ACE: variants seen among roughly 807,000 people sequenced by gnomAD.
The protein encoded by ACE is angiotensin-converting enzyme.
A neutral mutation model predicts 162.3 loss-of-function variants in ACE; 122 were observed. The observed-to-expected ratio is 0.75, with a 90% confidence interval of 0.65 to 0.87. The LOEUF (loss-of-function observed/expected upper bound fraction) is 0.87, where lower values mean the gene tolerates loss of function less well. Among genes scored for constraint, ACE ranks in the 40% least tolerant of loss-of-function variants. ACE has a pLI of 0.00. For missense variants in ACE, 1,799 were observed against 1,735.1 expected (o/e 1.04, Z -0.65); for synonymous variants, 796 against 720.6 (o/e 1.10, Z -1.68).
In ACE at chr17:63,491,724, CAGGG is replaced by C. The variant is rs1366357951; in HGVS notation, c.2912+347_2912+350del. On this transcript the variant is annotated intron_variant, in intron 19 of 24. Coordinates refer to ENST00000290866, the MANE Select transcript of ACE (RefSeq NM_000789.4). The surrounding 1 kb of genome is among the most constrained non-coding windows in gnomAD (Gnocchi z 4.4). ...CTCCCTGGGGGCACATGCTGTGACA[CAGGG>C]AGGCACACGAGGATGTTGGGTGCTC... Among the ~76,000 whole-genome samples the C allele has an allele frequency of 6.6e-6, 1 of 152,198 alleles. No homozygotes were observed. Among genetic ancestry groups the C allele is most frequent in the Non-Finnish European group, 1.5e-5 (1 of 68,030 alleles).
At chr17:63,490,886 C>T in intron 17 of ACE, 68 bp from the exon 18 acceptor site, 1 of 1,452,864 alleles carries the variant, frequency 6.9e-7, no homozygotes. Flanking sequence ...GCTCTTCCTG[C>T]AGGAGGGCAT....
At position 63,487,093 on chromosome 17, in the gene ACE, C is replaced by G; in HGVS notation, c.2305+20C>G. ...AGCCAGGTGAGAGCTCATGTGCAGG[C>G]TGAGTGAGAGGCGAGGGCTGGGACT... On this transcript the variant is annotated intron_variant, in intron 15 of 24. Coordinates refer to ENST00000290866, the MANE Select transcript of ACE (RefSeq NM_000789.4). The G allele has an allele frequency of 6.2e-7, 1 of 1,610,448 alleles. No homozygotes were observed. The highest frequency in any genetic ancestry group is 8.5e-7 in the Non-Finnish European group (1 of 1,177,384).
In ACE at chr17:63,489,133, G is replaced by A; in HGVS notation, c.2641+1G>A. On this transcript the variant is annotated splice_donor_variant, in intron 17 of 24. Transcript: ENST00000290866. LOFTEE classifies it high-confidence loss of function. Reference sequence around the variant, plus strand: ...GGGCCCATTCCTGCTCACCTGCTGGGTAAGGGCACATGTCGGGCCTTGAGG... The same window carrying A: ...GGGCCCATTCCTGCTCACCTGCTGGATAAGGGCACATGTCGGGCCTTGAGG... 1 of 1,608,010 alleles carries A rather than the reference G, an allele frequency of 6.2e-7. No homozygotes were observed. The highest frequency in any genetic ancestry group is 8.5e-7 in the Non-Finnish European group (1 of 1,179,972).
intron 17 of ACE, chr17:63,489,886 G>A (rs1027347156): frequency 6.5e-6 from 1 of 152,688 alleles, no homozygotes; most frequent in Admixed American, 6.5e-5. Context: ...CCTCTCTGGT[G>A]AGACCAAAGA....
At chr17:63,479,429 G>T (rs545041123) in intron 3 of ACE, among the ~76,000 whole-genome samples, 11 of 152,236 alleles carry the variant, frequency 7.2e-5, no homozygotes, top group Non-Finnish European at 1.3e-4. Context: ...ACCCCTCGTG[G>T]CTTCCCCTTA....
chr17:63,487,867 A>G (rs2030071229), intron 15 of ACE, among the ~76,000 whole-genome samples: 1 of 152,206 alleles, frequency 6.6e-6, no homozygotes, highest in Non-Finnish European at 1.5e-5. Context: ...GAAATGGAAA[A>G]TAAACAGGAG....
chr17:63,482,260 C>T (rs900019632), intron 7 of ACE, among the ~76,000 whole-genome samples: 14 of 151,530 alleles, frequency 9.2e-5, no homozygotes, highest in Admixed American at 2.0e-4. Context: ...GAGATTGTGC[C>T]ACTACAGGCC....
In ACE at chr17:63,478,095, G is replaced by A; in HGVS notation, c.414G>A (p.Gln138=). The A allele has an allele frequency of 6.3e-7, 1 of 1,581,404 alleles. No individual in the cohort carries two copies. Among genetic ancestry groups the A allele is most frequent in the South Asian group, 1.1e-5 (1 of 87,020 alleles). ...CCAACCTGCCCCTGGCTAAGCGGCAGCAGGTGGGCTGAGGGCTGAGGCAGA... is the reference window on the plus strand; with the variant it reads ...CCAACCTGCCCCTGGCTAAGCGGCAACAGGTGGGCTGAGGGCTGAGGCAGA... ...GSANLPLAKR[Q]QYNALLSNMS... The change falls in exon 2 of 25, where the codon CAG becomes CAA. Residue 138 remains glutamine (Q), a synonymous_variant. Transcript: ENST00000290866.
At position 63,482,628 on chromosome 17, in the gene ACE, G is replaced by T. The variant is rs541236264; in HGVS notation, c.1281G>T (p.Ser427=). The T allele has an allele frequency of 4.3e-6, 7 of 1,613,996 alleles. 1 individual carries two copies. The South Asian group carries it at 7.7e-5, about 18-fold the overall frequency. The stretch of plus-strand genomic sequence containing the variant: ...CCATTGGGGACGTGCTGGCGCTCTC[G>T]GTCTCCACTCCTGAACATCTGCACA... ...HEAIGDVLAL[S]VSTPEHLHKI... The change falls in exon 8 of 25, where the codon TCG becomes TCT. Residue 427 remains serine (S), a synonymous_variant. Coordinates refer to ENST00000290866, the MANE Select transcript of ACE (RefSeq NM_000789.4).
At chr17:63,486,299 A>G (rs1414450565) in intron 13 of ACE, 4 of 556,070 alleles carry the variant, frequency 7.2e-6, no homozygotes, top group Admixed American at 6.1e-5. Flanking sequence ...AAGGGCCTTT[A>G]CGACACTTGG....
intron 15 of ACE, 31 bp from the exon 16 acceptor site, chr17:63,488,617 C>T (rs1054398254): frequency 6.2e-7 from 1 of 1,611,548 alleles, no homozygotes; most frequent in Non-Finnish European, 8.5e-7. Flanking sequence ...GAGCTAAGGG[C>T]TGGAGCTCAA....
chr17:63,485,437 C>A, intron 13 of ACE, 65 bp downstream of exon 13: 1 of 1,595,756 alleles, frequency 6.3e-7, no homozygotes, highest in South Asian at 1.1e-5. Flanking sequence ...CTGTCCCGCT[C>A]ACCACACAGT....
At position 63,478,006 on chromosome 17, in the gene ACE, TG is replaced by T; in HGVS notation, c.327del (p.Trp109CysfsTer36). On this transcript the variant is annotated frameshift_variant, in exon 2 of 25. Transcript: ENST00000290866. LOFTEE classifies it high-confidence loss of function. ...QKAKELYEPI[W>X]QNFTDPQLRR... The stretch of plus-strand genomic sequence containing the variant: ...GGCCAAGGAGCTGTATGAACCGATC[TG>T]GCAGAACTTCACGGACCCGCAGCTG... 1 of 1,611,840 alleles carries T rather than the reference TG, an allele frequency of 6.2e-7. No individual in the cohort carries two copies. The highest frequency in any genetic ancestry group is 1.7e-5 in the Admixed American group (1 of 59,880).
intron 22 of ACE, among the ~76,000 whole-genome samples, chr17:63,495,139 A>C (rs2030649976): frequency 6.6e-6 from 1 of 152,138 alleles, no homozygotes; most frequent in Admixed American, 6.5e-5. Context: ...CCAGGACCCC[A>C]CTATTCATCA....
intron 8 of ACE, 130 bp from the exon 9 acceptor site, chr17:63,482,899 C>A: frequency 8.6e-7 from 1 of 1,162,746 alleles, no homozygotes. Flanking sequence ...GGCCCAGGGT[C>A]TCGAGGGCCA....
chr17:63,489,274 A>T, intron 17 of ACE, 142 bp downstream of exon 17: 62 of 979,746 alleles, frequency 6.3e-5, no homozygotes, highest in East Asian at 1.2e-4. Context: ...CCCAGGCTGG[A>T]GGGGGGTGGG....
In ACE at chr17:63,479,010, A is replaced by T; in HGVS notation, c.421A>T (p.Asn141Tyr). ...NLPLAKRQQY[N>Y]ALLSNMSRIY... ...TTCCTCCCCTCTGACTCCCCAGTACAACGCCCTGCTAAGCAACATGAGCAG... is the reference window on the plus strand; with the variant it reads ...TTCCTCCCCTCTGACTCCCCAGTACTACGCCCTGCTAAGCAACATGAGCAG... Residue 141 changes from asparagine to tyrosine, a missense_variant, in exon 3 of 25, where the codon AAC (asparagine) becomes TAC (tyrosine). Transcript: ENST00000290866. 1 of 1,613,458 alleles carries T rather than the reference A, an allele frequency of 6.2e-7. No individual in the cohort carries two copies. Among genetic ancestry groups the T allele is most frequent in the Non-Finnish European group, 8.5e-7 (1 of 1,179,814 alleles).
At chr17:63,486,258 C>G (rs937624259) in intron 13 of ACE, 1 of 476,818 alleles carries the variant, frequency 2.1e-6, no homozygotes, top group African/African-American at 2.0e-5. Flanking sequence ...TCAGAAAGGC[C>G]ACAGAGCTAA....
intron 19 of ACE, among the ~76,000 whole-genome samples, chr17:63,492,645 C>T (rs1486967920): frequency 6.6e-6 from 1 of 152,170 alleles, no homozygotes; most frequent in East Asian, 1.9e-4. Context: ...ATGAGAATGA[C>T]AGAAAAACAG....
Sources: gnomAD v4.1 joint callset for allele counts (sites outside exome capture counted in the v4.1 genomes callset) on GRCh38, gnomAD v4.1.1 for gene constraint, Gnocchi (gnomAD v3.1) non-coding constraint, MANE v1.5 for transcripts, NCBI Gene and HGNC (gene_info 2026-07-23, HGNC 2026-07-21) for gene names.